ATXN7: variants seen among roughly 807,000 people sequenced by gnomAD.
ATXN7 encodes ataxin 7, also known as ataxin-7.
ATXN7 carries 12 observed loss-of-function variants against 70.5 expected under a neutral mutation model. The observed-to-expected ratio is 0.17, with a 90% CI of 0.11 to 0.28. The LOEUF is 0.28. Ranked by LOEUF, ATXN7 falls within the 10% of genes least tolerant of loss-of-function variation. The pLI, the probability that ATXN7 is intolerant of heterozygous loss-of-function variation, is 1.00. For synonymous variants in ATXN7, 498 were observed against 448.7 expected, an observed-to-expected ratio of 1.11 and a Z score of -1.39; for missense variants, 1,256 against 1,131.7, an observed-to-expected ratio of 1.11 and a Z score of -1.58.
rs1446512347 is a variant in ATXN7, at chr3:63,996,308, T to C, written c.2486T>C (p.Leu829Pro). The change falls in exon 12 of 13, where the codon CTA becomes CCA. Residue 829 changes from leucine (L) to proline (P), a missense_variant. Leu to Pro is a moderately conservative substitution (Grantham distance 98). Coordinates refer to ENST00000674280, the MANE Select transcript of ATXN7 (RefSeq NM_001377405.1). ...HGSFSHSHTP[L>P]DKLIGKKRKC... ...AGTTTTTCCCACTCACACACTCCTC[T>C]AGACAAACTCATAGGAAAGAAAAGA... is the stretch of plus-strand genomic sequence containing the variant. 1 of 1,614,020 alleles carries C rather than the reference T, an allele frequency of 6.2e-7. No homozygotes were observed. Among genetic ancestry groups the C allele is most frequent in the African/African-American group, 1.3e-5 (1 of 74,902 alleles).
intron 5 of ATXN7, among the ~76,000 whole-genome samples, chr3:63,974,736 T>G (rs543132842): frequency 6.6e-6 from 1 of 152,224 alleles, no homozygotes; most frequent in Admixed American, 6.5e-5. Flanking sequence ...GTTGTTGATG[T>G]TGTTGTTCTT....
upstream of ATXN7, chr3:63,863,562 G>A (rs2107178147): frequency 8.4e-7 from 1 of 1,196,452 alleles, no homozygotes; most frequent in South Asian, 4.3e-5. Context: ...GTCTCCGAGG[G>A]GCGCTCGGGC....
chr3:63,936,405 A>G (rs373761821), intron 4 of ATXN7, among the ~76,000 whole-genome samples: 3 of 152,202 alleles, frequency 2.0e-5, no homozygotes, highest in African/African-American at 7.2e-5. Context: ...CAAGGATTAT[A>G]TTAGCTGACT....
rs183261846 is a variant in ATXN7, at chr3:63,928,292, C to A, written c.394+15067C>A. Among the ~76,000 whole-genome samples, 216 of 152,180 alleles carry A rather than the reference C, an allele frequency of 1.4e-3. 1 individual carries two copies. Among genetic ancestry groups the A allele is most frequent in the Middle Eastern group, 3.4e-3 (1 of 294 alleles). On this transcript the variant is annotated intron_variant, in intron 4 of 12. Transcript: ENST00000674280. Reference sequence around the variant, plus strand: ...TTCCAGCCTGGGTGACAGAGCGAGACCCTTTCTCAAAAACAAACAAAAAAA... The same window carrying A: ...TTCCAGCCTGGGTGACAGAGCGAGAACCTTTCTCAAAAACAAACAAAAAAA...
At chr3:63,925,667 C>T (rs1173543799) in intron 4 of ATXN7, among the ~76,000 whole-genome samples, 2 of 152,110 alleles carry the variant, frequency 1.3e-5, no homozygotes, top group African/African-American at 4.8e-5. Flanking sequence ...TGTAAACTCC[C>T]TAGCAAGGCC....
At chr3:63,970,858 A>C (rs1205928603) in intron 5 of ATXN7, among the ~76,000 whole-genome samples, 3 of 152,140 alleles carry the variant, frequency 2.0e-5, no homozygotes, top group African/African-American at 7.2e-5. Flanking sequence ...AGAGACGTGG[A>C]AATGCCAGGA....
chr3:63,870,653 A>G (rs1466033932), intron 1 of ATXN7, among the ~76,000 whole-genome samples: 1 of 152,042 alleles, frequency 6.6e-6, no homozygotes, highest in Non-Finnish European at 1.5e-5. Context: ...CTCAGATGTG[A>G]TGGTTTTTGA....
chr3:63,971,994 T>G (rs1042020148), intron 5 of ATXN7, among the ~76,000 whole-genome samples: 1 of 152,204 alleles, frequency 6.6e-6, no homozygotes, highest in African/African-American at 2.4e-5. Context: ...TGCTCTTGGA[T>G]GTTTTCTTAA....
chr3:63,884,663 G>A lies in ATXN7; in HGVS notation c.-110-13736G>A, dbSNP rs552731495. Among the ~76,000 whole-genome samples the A allele has an allele frequency of 2.0e-5, 3 of 150,006 alleles. No individual in the cohort carries two copies. The East Asian group carries it at 5.9e-4, about 29-fold the overall frequency. On this transcript the variant is annotated intron_variant, in intron 1 of 12. Transcript: ENST00000674280. ...TTTTTTTTTTCTTTCTTATTTTTTT[G>A]GGGGGGATCAGGTTCTCCATCTGTC...
intron 1 of ATXN7, among the ~76,000 whole-genome samples, chr3:63,872,664 A>C (rs558556292): frequency 6.6e-6 from 1 of 152,330 alleles, no homozygotes; most frequent in African/African-American, 2.4e-5. Flanking sequence ...AAATGCTGCC[A>C]AGTCATATTG....
intron 5 of ATXN7, among the ~76,000 whole-genome samples, chr3:63,956,890 A>T (rs1287139000): frequency 6.6e-6 from 1 of 152,210 alleles, no homozygotes; most frequent in Non-Finnish European, 1.5e-5. Flanking sequence ...AGCAGCGTTG[A>T]GATGGTGACG....
At chr3:63,986,976 G>A (rs1209013139) in intron 8 of ATXN7, among the ~76,000 whole-genome samples, 1 of 152,180 alleles carries the variant, frequency 6.6e-6, no homozygotes. Context: ...AGGGGCCACT[G>A]TAGCTCATGT....
chr3:63,940,000 A>T (rs3910534), intron 4 of ATXN7, among the ~76,000 whole-genome samples: 14,088 of 152,162 alleles, frequency 0.093, 678 homozygotes, highest in East Asian at 0.14. Context: ...TCAATGTCAC[A>T]GTTGCTTGAG....
upstream of ATXN7, chr3:63,863,407 C>T: frequency 7.5e-6 from 8 of 1,061,766 alleles, no homozygotes; most frequent in Non-Finnish European, 9.1e-6. Context: ...CCTAGACAAA[C>T]CCGGACTCCC....
intron 4 of ATXN7, among the ~76,000 whole-genome samples, chr3:63,921,335 G>C (rs528366577): frequency 2.6e-5 from 4 of 152,246 alleles, no homozygotes; most frequent in African/African-American, 9.6e-5. Context: ...AAAAGGTAAT[G>C]CTTTTAACCA....
intron 2 of ATXN7, among the ~76,000 whole-genome samples, chr3:63,902,858 T>A (rs947657447): frequency 6.6e-6 from 1 of 152,158 alleles, no homozygotes; most frequent in African/African-American, 2.4e-5. Flanking sequence ...AAAAAATCTT[T>A]ATAAAAGGAT....
chr3:63,972,566 T>C (rs1004943975), intron 5 of ATXN7, among the ~76,000 whole-genome samples: 1 of 152,328 alleles, frequency 6.6e-6, no homozygotes, highest in African/African-American at 2.4e-5. Flanking sequence ...TAAACTGAAT[T>C]TGAGACTTGA....
intron 9 of ATXN7, chr3:63,988,526 G>T: frequency 1.5e-6 from 1 of 655,686 alleles, no homozygotes. Context: ...GGTTGTAAAT[G>T]CAAGCAGCAA....
intron 4 of ATXN7, among the ~76,000 whole-genome samples, chr3:63,920,050 G>A (rs77052397): frequency 1.3e-5 from 2 of 151,926 alleles, no homozygotes; most frequent in Non-Finnish European, 2.9e-5. Context: ...GAATTCACGG[G>A]GAAACAAATC....
Sources: allele counts gnomAD v4.1 joint callset (sites outside exome capture counted in the v4.1 genomes callset), GRCh38; gene constraint gnomAD v4.1.1; transcripts MANE v1.5; gene names NCBI Gene and HGNC (gene_info 2026-07-23, HGNC 2026-07-21).